Variants in OSBPL10 observed in about 807,000 individuals in gnomAD.
The protein encoded by OSBPL10 is oxysterol-binding protein-related protein 10.
A neutral mutation model predicts 81.7 loss-of-function variants in OSBPL10; 49 were observed. That is an observed-to-expected ratio of 0.60 (90% confidence interval 0.48 to 0.76). The LOEUF is 0.76. Ranked by LOEUF, OSBPL10 falls within the 30% of genes least tolerant of loss-of-function variation. The pLI is 0.00. For synonymous variants in OSBPL10, 419 were observed against 383.6 expected, an observed-to-expected ratio of 1.09 and a Z score of -1.08; for missense variants, 923 against 987.8, an observed-to-expected ratio of 0.93 and a Z score of 0.88.
At chr3:31,798,939 T>C (rs908016559) in intron 4 of OSBPL10, among the ~76,000 whole-genome samples, 1 of 152,072 alleles carries the variant, frequency 6.6e-6, no homozygotes, top group Non-Finnish European at 1.5e-5. Flanking sequence ...CATAATAGGG[T>C]TTGAACTCCT....
chr3:31,886,423 C>A (rs1486067597), intron 1 of OSBPL10, among the ~76,000 whole-genome samples: 1 of 152,184 alleles, frequency 6.6e-6, no homozygotes, highest in African/African-American at 2.4e-5. Context: ...CCCAGGCCCA[C>A]CTTCTGCCAC....
chr3:31,821,609 T>C (rs533283243), intron 4 of OSBPL10, among the ~76,000 whole-genome samples: 2 of 152,328 alleles, frequency 1.3e-5, no homozygotes, highest in East Asian at 1.9e-4. Context: ...AACCGATGTT[T>C]GAAACTGACT....
chr3:32,031,844 C>A, intron 2 of OSBPL10, among the ~76,000 whole-genome samples: 1 of 152,028 alleles, frequency 6.6e-6, no homozygotes, highest in South Asian at 2.1e-4. Context: ...AAGGATAAAG[C>A]TAACATAGGA....
intron 7 of OSBPL10, 60 bp from the exon 8 acceptor site, chr3:31,684,174 G>C: frequency 1.3e-6 from 2 of 1,578,172 alleles, no homozygotes; most frequent in South Asian, 2.3e-5. Context: ...AAGCTGAAAA[G>C]AAAGGTAAAG....
intron 4 of OSBPL10, among the ~76,000 whole-genome samples, chr3:31,825,236 A>C (rs372514537): frequency 6.6e-6 from 1 of 152,362 alleles, no homozygotes; most frequent in South Asian, 2.1e-4. Flanking sequence ...ATGAACTCAA[A>C]GAGTGATTGA....
intron 1 of OSBPL10, among the ~76,000 whole-genome samples, chr3:31,948,612 T>C (rs1270310462): frequency 1.3e-5 from 2 of 152,240 alleles, no homozygotes; most frequent in African/African-American, 4.8e-5. Flanking sequence ...ATGCTGACTT[T>C]ATAAAGTTTC....
intron 4 of OSBPL10, among the ~76,000 whole-genome samples, chr3:31,761,471 CA>C (rs112468280): frequency 0.026 from 1,446 of 55,998 alleles, 12 homozygotes; most frequent in African/African-American, 0.052. Flanking sequence ...GACTCCATTT[CA>C]AAAAAAAAAA....
At chr3:32,056,675 G>A (rs9866833) in intron 1 of OSBPL10, among the ~76,000 whole-genome samples, 110,238 of 152,130 alleles carry the variant, frequency 0.72, 41,391 homozygotes, top group East Asian at 0.91. Context: ...TATTCAGCCC[G>A]AAGAAATTAC....
intron 6 of OSBPL10, among the ~76,000 whole-genome samples, chr3:31,715,120 T>A (rs1696392886): frequency 6.6e-6 from 1 of 152,090 alleles, no homozygotes; most frequent in African/African-American, 2.4e-5. Context: ...CTGAGGACAG[T>A]ATACTCACTT....
rs59797512 is a variant in OSBPL10 at position 31,837,321 on chromosome 3, T to TTATA, written c.538-7094_538-7091dup. 2.0e-3 allele frequency among the ~76,000 whole-genome samples: 115 copies of TTATA among 58,912 alleles called. 2 individuals are homozygous for TTATA. The highest frequency in any genetic ancestry group is 2.9e-3 in the Non-Finnish European group (79 of 27,000). 38.6% of individuals were successfully genotyped at this position (58,912 alleles called of 152,430 possible). A position where few individuals can be genotyped will look rare whatever the true frequency, so the allele number is the denominator to read the frequency against. Reference sequence around the variant, plus strand: ...ATTCCTAGAATTACAGATCCCCAAATTATATATATATATATATATATATAT... The same window carrying TTATA: ...ATTCCTAGAATTACAGATCCCCAAATTATATATATATATATATATATATATATAT... On this transcript the variant is annotated intron_variant, in intron 3 of 11. Transcript: ENST00000396556.
At chr3:31,885,909 C>T (rs981663017) in intron 1 of OSBPL10, among the ~76,000 whole-genome samples, 4 of 147,666 alleles carry the variant, frequency 2.7e-5, no homozygotes, top group Admixed American at 6.8e-5. Context: ...GCAGGAGAAT[C>T]GCTTGAACCC....
chr3:31,753,881 G>A (rs1347355215), intron 4 of OSBPL10, among the ~76,000 whole-genome samples: 1 of 152,146 alleles, frequency 6.6e-6, no homozygotes, highest in African/African-American at 2.4e-5. Flanking sequence ...GTGCCCTGTG[G>A]AGGTGGTGTT....
rs34579457 is a variant in OSBPL10, at chr3:31,761,813, T to TAAAAAAAAAAAAAAAAAAAAAAAAAAAA, written c.730-13694_730-13693insTTTTTTTTTTTTTTTTTTTTTTTTTTTT. On this transcript the variant is annotated intron_variant, in intron 4 of 11. Transcript: ENST00000396556. ...CTGGGCAACAGAGCAAGACTGTCTC[T>TAAAAAAAAAAAAAAAAAAAAAAAAAAAA]AAAAAAAAAAAAAAAAAACCCTAAA... Among the ~76,000 whole-genome samples the TAAAAAAAAAAAAAAAAAAAAAAAAAAAA allele has an allele frequency of 6.2e-4, 67 of 107,486 alleles. 4 individuals are homozygous for TAAAAAAAAAAAAAAAAAAAAAAAAAAAA. Among genetic ancestry groups the TAAAAAAAAAAAAAAAAAAAAAAAAAAAA allele is most frequent in the African/African-American group, 3.4e-3 (53 of 15,664 alleles). 70.5% of individuals were successfully genotyped at this position (107,486 alleles called of 152,430 possible).
intron 7 of OSBPL10, among the ~76,000 whole-genome samples, chr3:31,699,518 A>G (rs1299762566): frequency 6.6e-6 from 1 of 152,240 alleles, no homozygotes; most frequent in Admixed American, 6.5e-5. Context: ...AGGGCAGACA[A>G]GGGTGCTTCT....
intron 6 of OSBPL10, among the ~76,000 whole-genome samples, chr3:31,708,038 A>G (rs1198341231): frequency 6.6e-6 from 1 of 152,240 alleles, no homozygotes; most frequent in African/African-American, 2.4e-5. Flanking sequence ...CTCAGTGTCT[A>G]TGAGGAGCAA....
chr3:31,927,431 C>G (rs2125714466), intron 1 of OSBPL10, among the ~76,000 whole-genome samples: 1 of 152,344 alleles, frequency 6.6e-6, no homozygotes, highest in South Asian at 2.1e-4. Flanking sequence ...AATCTCCACT[C>G]TTCAACCCTT....
intron 1 of OSBPL10, among the ~76,000 whole-genome samples, chr3:31,967,615 C>T (rs1411964712): frequency 6.6e-6 from 1 of 152,110 alleles, no homozygotes. Flanking sequence ...ATTTATATTA[C>T]GATGAAACAA....
At chr3:31,783,146 T>TATATATATATATAC (rs1485968747) in intron 4 of OSBPL10, among the ~76,000 whole-genome samples, 84 of 112,812 alleles carry the variant, frequency 7.4e-4, no homozygotes, top group African/African-American at 3.0e-3. Context: ...TATATATATA[T>TATATATATATATAC]ACACACACAC....
At chr3:31,985,942 C>G (rs1698927826), upstream of OSBPL10, among the ~76,000 whole-genome samples, 1 of 152,180 alleles carries the variant, frequency 6.6e-6, no homozygotes, top group Non-Finnish European at 1.5e-5. Context: ...AGCAACATCC[C>G]CCAAATTCTG....
Sources: gnomAD v4.1 joint callset for allele counts (sites outside exome capture counted in the v4.1 genomes callset) on GRCh38, gnomAD v4.1.1 for gene constraint, MANE v1.5 for transcripts, NCBI Gene and HGNC (gene_info 2026-07-23, HGNC 2026-07-21) for gene names.